Variants in ATF7IP2 observed in about 807,000 individuals in gnomAD.
The protein encoded by ATF7IP2 is activating transcription factor 7 interacting protein 2.
Under a neutral mutation model 64.2 loss-of-function variants are expected in ATF7IP2, and 42 were observed. That is an observed-to-expected ratio of 0.65 (90% CI 0.51 to 0.85). The LOEUF is 0.85. Ranked by LOEUF, ATF7IP2 falls within the 40% of genes least tolerant of loss-of-function variation. The pLI, the probability that ATF7IP2 is intolerant of heterozygous loss-of-function variation, is 0.00. For missense variants in ATF7IP2, 933 were observed against 784.2 expected (o/e 1.19, Z -2.27); for synonymous variants, 308 against 272.8 (o/e 1.13, Z -1.27).
At position 10,430,677 on chromosome 16, in the gene ATF7IP2, C is replaced by G; in HGVS notation, c.57C>G (p.Pro19=). The change falls in exon 5 of 14, where the codon CCC becomes CCG. Residue 19 remains proline (P), a synonymous_variant. Transcript: ENST00000562102. ...TATTAAAAGCCAAAAAGACAATGCC[C>G]CTAAGTTGCCGGAAGCAAGTAGAGA... ...RKILKAKKTM[P]LSCRKQVEML... 1 of 1,613,890 alleles carries G rather than the reference C, an allele frequency of 6.2e-7. No homozygotes were observed. Among genetic ancestry groups the G allele is most frequent in the African/African-American group, 1.3e-5 (1 of 74,954 alleles).
intron 12 of ATF7IP2, among the ~76,000 whole-genome samples, chr16:10,479,139 T>C (rs1403902410): frequency 1.3e-5 from 2 of 150,702 alleles, no homozygotes; most frequent in Non-Finnish European, 2.9e-5. Flanking sequence ...GACCCAGCCA[T>C]CCCATTACTG....
At position 10,430,699 on chromosome 16, in the gene ATF7IP2, G is replaced by A. The variant is rs1431429824; in HGVS notation, c.79G>A (p.Glu27Lys). 14 of 1,614,030 alleles carry A rather than the reference G, an allele frequency of 8.7e-6. No individual in the cohort carries two copies. Among genetic ancestry groups the A allele is most frequent in the Non-Finnish European group, 1.2e-5 (14 of 1,180,036 alleles). Residue 27 changes from glutamate to lysine, a missense_variant, in exon 5 of 14, where the codon GAG (glutamate) becomes AAG (lysine). Physicochemically the swap from Glu to Lys is moderately conservative, Grantham distance 56 (BLOSUM62 1). Transcript: ENST00000562102. ...GCCCCTAAGTTGCCGGAAGCAAGTA[G>A]AGATGCTGAATAAGTCAAGGAATGT... ...TMPLSCRKQV[E>K]MLNKSRNVEA...
chr16:10,407,492 A>G (rs1418760439), intron 1 of ATF7IP2, among the ~76,000 whole-genome samples: 3 of 152,228 alleles, frequency 2.0e-5, no homozygotes, highest in Admixed American at 2.0e-4. Context: ...TAAACAATAC[A>G]CCAAAACTAG....
At chr16:10,453,299 C>T (rs1321152411) in intron 8 of ATF7IP2, among the ~76,000 whole-genome samples, 1 of 152,100 alleles carries the variant, frequency 6.6e-6, no homozygotes, top group Admixed American at 6.5e-5. Flanking sequence ...GTGTACCGTT[C>T]CTCACGGCAT....
At chr16:10,409,323 G>C (rs540162583) in intron 1 of ATF7IP2, among the ~76,000 whole-genome samples, 12 of 152,170 alleles carry the variant, frequency 7.9e-5, no homozygotes, top group African/African-American at 2.7e-4. Flanking sequence ...CACTAATTAG[G>C]GGCAAGGAGG....
chr16:10,464,019 T>C (rs1327721007), intron 9 of ATF7IP2, among the ~76,000 whole-genome samples: 1 of 152,200 alleles, frequency 6.6e-6, no homozygotes, highest in African/African-American at 2.4e-5. Context: ...TGTGGCTGGG[T>C]TGACAAATGC....
At chr16:10,391,017 G>C (rs1432198840) in intron 1 of ATF7IP2, among the ~76,000 whole-genome samples, 1 of 151,484 alleles carries the variant, frequency 6.6e-6, no homozygotes, top group African/African-American at 2.4e-5. Context: ...AATTAGCTGG[G>C]TGCAGTAGCA....
At chr16:10,453,766 C>A (rs1043004803) in intron 8 of ATF7IP2, among the ~76,000 whole-genome samples, 1 of 151,982 alleles carries the variant, frequency 6.6e-6, no homozygotes, top group Non-Finnish European at 1.5e-5. Context: ...TACAGTCATG[C>A]GCCACCACAC....
At chr16:10,413,697 T>C (rs936005627) in intron 1 of ATF7IP2, among the ~76,000 whole-genome samples, 1 of 152,246 alleles carries the variant, frequency 6.6e-6, no homozygotes, top group African/African-American at 2.4e-5. Flanking sequence ...GATTTAGAGC[T>C]CCTTATAGCA....
At chr16:10,438,287 G>C in intron 7 of ATF7IP2, 52 bp downstream of exon 7, 1 of 1,536,292 alleles carries the variant, frequency 6.5e-7, no homozygotes, top group Non-Finnish European at 8.7e-7. Flanking sequence ...GGGTGTTGTT[G>C]CTCTGTTGCT....
At chr16:10,450,605 G>A (rs1036267573) in intron 8 of ATF7IP2, among the ~76,000 whole-genome samples, 1 of 151,764 alleles carries the variant, frequency 6.6e-6, no homozygotes, top group African/African-American at 2.4e-5. Context: ...TTGGTTTAAA[G>A]TCTGTTTTAT....
At chr16:10,431,552 A>G in intron 5 of ATF7IP2, 97 bp downstream of exon 5, 2 of 776,918 alleles carry the variant, frequency 2.6e-6, no homozygotes, top group Non-Finnish European at 4.0e-6. Flanking sequence ...TATAGACAGA[A>G]AAAAGGTAAA....
chr16:10,425,278 C>A (rs577117215), intron 3 of ATF7IP2, among the ~76,000 whole-genome samples: 1 of 150,148 alleles, frequency 6.7e-6, no homozygotes, highest in East Asian at 2.0e-4. Flanking sequence ...CCACGTTGGC[C>A]AGGCTGGTCT....
chr16:10,413,997 C>T (rs985573640), intron 1 of ATF7IP2, among the ~76,000 whole-genome samples: 1 of 152,100 alleles, frequency 6.6e-6, no homozygotes, highest in Non-Finnish European at 1.5e-5. Context: ...GGTGCTTTTG[C>T]CTTGTAGCTG....
intron 2 of ATF7IP2, among the ~76,000 whole-genome samples, chr16:10,416,075 G>T (rs749591720): frequency 6.6e-6 from 1 of 152,178 alleles, no homozygotes; most frequent in Non-Finnish European, 1.5e-5. Flanking sequence ...GAGCTACCAT[G>T]CAATCCAGCG....
At chr16:10,433,785 A>T in intron 6 of ATF7IP2, 136 bp downstream of exon 6, 1 of 901,372 alleles carries the variant, frequency 1.1e-6, no homozygotes, top group Non-Finnish European at 1.7e-6. Flanking sequence ...AAGCCAAATT[A>T]TCAGACAGAC....
chr16:10,478,051 T>A (rs1251466620), intron 12 of ATF7IP2, among the ~76,000 whole-genome samples: 1 of 151,224 alleles, frequency 6.6e-6, no homozygotes, highest in Non-Finnish European at 1.5e-5. Flanking sequence ...GTAGGAAGAA[T>A]CAATATCATG....
intron 3 of ATF7IP2, among the ~76,000 whole-genome samples, chr16:10,423,467 G>A (rs1161921562): frequency 2.0e-5 from 3 of 152,146 alleles, no homozygotes; most frequent in African/African-American, 7.2e-5. Context: ...TATTCTGACA[G>A]GGAACTGCCA....
intron 9 of ATF7IP2, among the ~76,000 whole-genome samples, chr16:10,470,616 AAAAAAATTTTTTT>A (rs912286945): frequency 7.9e-5 from 12 of 151,780 alleles, no homozygotes; most frequent in African/African-American, 2.9e-4. Flanking sequence ...AAACATTTTT[AAAAAAATTTTTTT>A]AAAAAGTTAG....
Sources: gnomAD v4.1 joint callset for allele counts (sites outside exome capture counted in the v4.1 genomes callset) on GRCh38, gnomAD v4.1.1 for gene constraint, MANE v1.5 for transcripts, NCBI Gene and HGNC (gene_info 2026-07-23, HGNC 2026-07-21) for gene names.